ANKS1B: variants seen among roughly 807,000 people sequenced by gnomAD.
ANKS1B encodes the protein ankyrin repeat and sterile alpha motif domain-containing protein 1B.
A neutral mutation model predicts 148.3 loss-of-function variants in ANKS1B; 36 were observed. The ratio of observed to expected loss-of-function variants is 0.24; its 90% CI spans 0.19 to 0.32. The LOEUF is 0.32. ANKS1B is among the 10% of genes least tolerant of loss of function. The probability of loss-of-function intolerance (pLI) is 1.00; values close to 1 mark genes in which losing one functional copy is unlikely to be tolerated. For synonymous variants in ANKS1B, 542 were observed against 560.8 expected (o/e 0.97, Z 0.47); for missense variants, 1,157 against 1,542.6 (o/e 0.75, Z 4.19).
chr12:99,740,967 G>A (rs2060042370), intron 8 of ANKS1B, among the ~76,000 whole-genome samples: 1 of 152,148 alleles, frequency 6.6e-6, no homozygotes, highest in African/African-American at 2.4e-5. Flanking sequence ...CACAAAAGTA[G>A]GTGGCAATTT....
At chr12:99,971,940 TG>T in intron 1 of ANKS1B, among the ~76,000 whole-genome samples, 1 of 152,244 alleles carries the variant, frequency 6.6e-6, no homozygotes, top group East Asian at 1.9e-4. Context: ...AGGAACCATG[TG>T]TCTAACAAGT....
At chr12:99,816,735 A>G (rs1481518940) in intron 2 of ANKS1B, among the ~76,000 whole-genome samples, 2 of 151,692 alleles carry the variant, frequency 1.3e-5, no homozygotes, top group African/African-American at 2.4e-5. Context: ...GTTAATCAGC[A>G]AATTATGATT....
intron 11 of ANKS1B, among the ~76,000 whole-genome samples, chr12:99,409,207 T>C (rs1200643330): frequency 1.3e-5 from 2 of 152,200 alleles, no homozygotes; most frequent in Non-Finnish European, 2.9e-5. Context: ...ACAACATGGA[T>C]GGAACTGGAA....
chr12:99,063,035 G>A (rs1464283476), intron 16 of ANKS1B, among the ~76,000 whole-genome samples: 1 of 152,160 alleles, frequency 6.6e-6, no homozygotes, highest in East Asian at 1.9e-4. Flanking sequence ...GTGGGCAAGA[G>A]CTGTCGCCTG....
intron 17 of ANKS1B, among the ~76,000 whole-genome samples, chr12:99,031,391 C>A (rs1230971119): frequency 6.6e-6 from 1 of 152,132 alleles, no homozygotes; most frequent in Non-Finnish European, 1.5e-5. Flanking sequence ...CAGATGTTAC[C>A]AGTTGGCCAG....
Position 98,745,727 on chromosome 12 carries a change from G to A in ANKS1B, c.*12C>T, listed in dbSNP as rs1157322314. 1 of 1,612,830 alleles carries A rather than the reference G, an allele frequency of 6.2e-7. No homozygotes were observed. The highest frequency in any genetic ancestry group is 1.1e-5 in the South Asian group (1 of 90,892). ...CGAGCAAGGCACCGCGAGGACAGGA[G>A]GACGGCGAGTATCAGAAAATCGTGG... On this transcript the variant is annotated 3_prime_UTR_variant, in exon 27 of 27. Coordinates refer to ENST00000683438, the MANE Select transcript of ANKS1B (RefSeq NM_001352186.2).
At chr12:99,196,141 T>C (rs2081356264) in intron 14 of ANKS1B, among the ~76,000 whole-genome samples, 1 of 152,202 alleles carries the variant, frequency 6.6e-6, no homozygotes, top group Non-Finnish European at 1.5e-5. Context: ...TTTTTATTTT[T>C]GTCATCTATT....
chr12:99,428,579 G>A (rs2095306097), intron 11 of ANKS1B, among the ~76,000 whole-genome samples: 1 of 152,190 alleles, frequency 6.6e-6, no homozygotes, highest in South Asian at 2.1e-4. Flanking sequence ...AATATATGTT[G>A]AGATGGATGG....
At chr12:98,836,649 G>A (rs943836633) in intron 17 of ANKS1B, among the ~76,000 whole-genome samples, 1 of 152,170 alleles carries the variant, frequency 6.6e-6, no homozygotes, top group African/African-American at 2.4e-5. Context: ...CAGGCATCAT[G>A]GGTGATAACC....
chr12:99,259,163 A>G (rs1263941327), intron 12 of ANKS1B, among the ~76,000 whole-genome samples: 3 of 152,188 alleles, frequency 2.0e-5, no homozygotes, highest in African/African-American at 7.2e-5. Context: ...CATCAGTACA[A>G]TGCACCATCC....
chr12:99,050,719 TCTTGCTCAGTCAC>T (rs2099965423), intron 17 of ANKS1B, among the ~76,000 whole-genome samples: 1 of 128,872 alleles, frequency 7.8e-6, no homozygotes, highest in Non-Finnish European at 1.6e-5. Flanking sequence ...TGAGACAGAG[TCTTGCTCAGTCAC>T]CCAGGCTGGA....
At chr12:99,051,296 C>T (rs1002608373) in intron 17 of ANKS1B, among the ~76,000 whole-genome samples, 1 of 152,158 alleles carries the variant, frequency 6.6e-6, no homozygotes, top group Non-Finnish European at 1.5e-5. Context: ...ATAATAGAGT[C>T]CTATTGAAAT....
intron 10 of ANKS1B, among the ~76,000 whole-genome samples, chr12:99,488,854 C>T (rs2096527924): frequency 6.6e-6 from 1 of 152,036 alleles, no homozygotes; most frequent in African/African-American, 2.4e-5. Context: ...TTGTTTGGAA[C>T]ACTGGGCAGG....
chr12:98,811,343 A>T (rs1398091304), intron 19 of ANKS1B, among the ~76,000 whole-genome samples: 1 of 152,110 alleles, frequency 6.6e-6, no homozygotes, highest in Non-Finnish European at 1.5e-5. Flanking sequence ...CTGCACATCC[A>T]TGTGGCCCAC....
intron 11 of ANKS1B, among the ~76,000 whole-genome samples, chr12:99,426,871 A>T (rs1229049250): frequency 6.6e-6 from 1 of 152,136 alleles, no homozygotes; most frequent in Non-Finnish European, 1.5e-5. Context: ...AACAAACACA[A>T]TGAAAATCAC....
chr12:99,476,653 A>G (rs983111716), intron 10 of ANKS1B, among the ~76,000 whole-genome samples: 2 of 152,174 alleles, frequency 1.3e-5, no homozygotes. Context: ...TAAAAATGTG[A>G]TATCTATTTT....
At chr12:99,539,740 T>G (rs1474826223) in intron 9 of ANKS1B, among the ~76,000 whole-genome samples, 2 of 152,160 alleles carry the variant, frequency 1.3e-5, no homozygotes, top group Admixed American at 6.5e-5. Flanking sequence ...GGTTTTGCTT[T>G]TTTGTTTTCT....
chr12:99,283,822 T>C (rs2078775028), intron 12 of ANKS1B, among the ~76,000 whole-genome samples: 1 of 152,188 alleles, frequency 6.6e-6, no homozygotes, highest in South Asian at 2.1e-4. Context: ...AAGAAAATGT[T>C]TACTGAATAA....
intron 9 of ANKS1B, among the ~76,000 whole-genome samples, chr12:99,590,220 CTCAT>C (rs1424586042): frequency 1.3e-5 from 2 of 150,624 alleles, no homozygotes; most frequent in Non-Finnish European, 3.0e-5. Context: ...ATTTTCAGTG[CTCAT>C]TCATTTAAAA....
Sources: gnomAD v4.1 joint callset for allele counts (sites outside exome capture counted in the v4.1 genomes callset) on GRCh38, gnomAD v4.1.1 for gene constraint, MANE v1.5 for transcripts, NCBI Gene and HGNC (gene_info 2026-07-23, HGNC 2026-07-21) for gene names.